Variants in PLEKHA5 observed in about 807,000 individuals in gnomAD.
The protein encoded by PLEKHA5 is pleckstrin homology domain containing A5.
PLEKHA5 carries 55 observed loss-of-function variants against 181.9 expected under a neutral mutation model. That is an observed-to-expected ratio of 0.30 (90% confidence interval 0.24 to 0.38). The LOEUF (loss-of-function observed/expected upper bound fraction) is 0.38. Among genes scored for constraint, PLEKHA5 ranks in the 10% least tolerant of loss-of-function variants. The pLI is 1.00. For synonymous variants in PLEKHA5, 535 were observed against 529.4 expected (o/e 1.01, Z -0.15); for missense variants, 1,432 against 1,549.5 (o/e 0.92, Z 1.27).
At chr12:19,320,491 G>A (rs969177080) in intron 17 of PLEKHA5, 71 bp from the exon 18 acceptor site, 3 of 694,816 alleles carry the variant, frequency 4.3e-6, no homozygotes, top group East Asian at 2.8e-5. Context: ...TAAATCCAAA[G>A]TATTAATTAA....
intron 3 of PLEKHA5, chr12:19,236,788 A>G (rs1312826192): frequency 1.3e-5 from 2 of 152,158 alleles, no homozygotes; most frequent in Non-Finnish European, 2.9e-5. Context: ...ATCACAACAG[A>G]TTCTTCCTGG....
chr12:19,359,424 G>A lies in PLEKHA5; in HGVS notation c.3361G>A (p.Asp1121Asn). Residue 1121 changes from aspartate to asparagine, a missense_variant, in exon 28 of 32, where the codon GAT (aspartate) becomes AAT (asparagine). This residue lies in a region of PLEKHA5 where 1,143 missense variants were observed against 1,168.4 expected (regional missense o/e 0.98). Transcript: ENST00000429027. ...GTCTTTTGAGCAGACTCGAAGGAGG[G>A]ATGATAAGGAACTGGACACTGCCAT... ...PFRTTQTRRR[D>N]DKELDTAIRE... The A allele has an allele frequency of 6.2e-7, 1 of 1,613,342 alleles. No homozygotes were observed. The highest frequency in any genetic ancestry group is 1.1e-5 in the South Asian group (1 of 91,054).
At chr12:19,315,684 A>G (rs1354771146) in intron 16 of PLEKHA5, among the ~76,000 whole-genome samples, 1 of 152,176 alleles carries the variant, frequency 6.6e-6, no homozygotes, top group African/African-American at 2.4e-5. Flanking sequence ...TACAATCTTT[A>G]AAAATCATGC....
chr12:19,137,413 A>T (rs576017788), intron 3 of PLEKHA5, among the ~76,000 whole-genome samples: 1 of 152,188 alleles, frequency 6.6e-6, no homozygotes, highest in African/African-American at 2.4e-5. Context: ...TGTGGGCATT[A>T]TATTTCTTTT....
rs549952879 is a variant in PLEKHA5, at chr12:19,333,385, C to A, written c.2449-3130C>A. Reference sequence around the variant, plus strand: ...ATGAGGTCAGGAGATTAAGACCATCCTGGCTAACACGATGAAACCACGTCT... The same window carrying A: ...ATGAGGTCAGGAGATTAAGACCATCATGGCTAACACGATGAAACCACGTCT... On this transcript the variant is annotated intron_variant, in intron 20 of 31. Coordinates refer to ENST00000429027, the MANE Select transcript of PLEKHA5 (RefSeq NM_001256470.2). Among the ~76,000 whole-genome samples the A allele has an allele frequency of 2.0e-5, 3 of 151,896 alleles. No individual in the cohort carries two copies. The South Asian group carries it at 6.2e-4, about 32-fold the overall frequency.
At chr12:19,322,011 AT>A in intron 18 of PLEKHA5, among the ~76,000 whole-genome samples, 1 of 152,266 alleles carries the variant, frequency 6.6e-6, no homozygotes, top group East Asian at 1.9e-4. Flanking sequence ...TTGTATTTCA[AT>A]TAGAAGTGAT....
intron 28 of PLEKHA5, 85 bp downstream of exon 28, chr12:19,359,631 GTTTC>G: frequency 7.7e-7 from 1 of 1,300,316 alleles, no homozygotes; most frequent in South Asian, 1.3e-5. Context: ...AATAAAGTGT[GTTTC>G]TTTCAGTCAC....
chr12:19,251,960 C>G (rs1374421362), intron 3 of PLEKHA5, among the ~76,000 whole-genome samples: 1 of 152,114 alleles, frequency 6.6e-6, no homozygotes, highest in African/African-American at 2.4e-5. Flanking sequence ...AGCCAGCTAC[C>G]TCCCAGGGTG....
chr12:19,259,306 G>A (rs946609289), intron 6 of PLEKHA5, among the ~76,000 whole-genome samples: 14 of 152,038 alleles, frequency 9.2e-5, no homozygotes, highest in Admixed American at 4.6e-4. Flanking sequence ...ATTTGAGCTT[G>A]CAGTGAGGTA....
chr12:19,156,156 G>T lies in PLEKHA5; in HGVS notation c.227+23706G>T, dbSNP rs377127150. ...CCGCCCTGGAGTATGTTCTTGAATT[G>T]TTGGGGGTGGTCAAAAGGTTAGGAG... On this transcript the variant is annotated intron_variant, in intron 3 of 31. Coordinates refer to ENST00000429027, the MANE Select transcript of PLEKHA5 (RefSeq NM_001256470.2). Among the ~76,000 whole-genome samples the T allele has an allele frequency of 3.6e-4, 54 of 150,670 alleles. 1 individual carries two copies. The highest frequency in any genetic ancestry group is 1.3e-3 in the African/African-American group (52 of 41,158).
intron 3 of PLEKHA5, among the ~76,000 whole-genome samples, chr12:19,232,191 G>C (rs1316211429): frequency 2.0e-5 from 3 of 152,158 alleles, no homozygotes; most frequent in African/African-American, 7.2e-5. Flanking sequence ...GTGCAAGATA[G>C]TTTATATTAA....
At chr12:19,229,124 TA>T (rs1257336549) in intron 3 of PLEKHA5, among the ~76,000 whole-genome samples, 2 of 152,210 alleles carry the variant, frequency 1.3e-5, no homozygotes, top group Non-Finnish European at 2.9e-5. Flanking sequence ...AAGTCACTCA[TA>T]GCAGAGAAAT....
chr12:19,371,708 T>C (rs1164633412), intron 31 of PLEKHA5: 2 of 152,462 alleles, frequency 1.3e-5, no homozygotes, highest in African/African-American at 2.4e-5. Flanking sequence ...ATCCACTCCT[T>C]GGTTGGTGGA....
intron 3 of PLEKHA5, among the ~76,000 whole-genome samples, chr12:19,246,685 TTAAA>T (rs1218865971): frequency 6.6e-6 from 1 of 152,068 alleles, no homozygotes; most frequent in Non-Finnish European, 1.5e-5. Flanking sequence ...ATTCTGATTT[TTAAA>T]TAACTTCTAA....
At chr12:19,141,059 G>C (rs2037122028) in intron 3 of PLEKHA5, among the ~76,000 whole-genome samples, 1 of 152,150 alleles carries the variant, frequency 6.6e-6, no homozygotes. Context: ...CTTCCAAAGT[G>C]CTGGGATTAT....
intron 3 of PLEKHA5, among the ~76,000 whole-genome samples, chr12:19,232,508 A>G (rs938024908): frequency 2.8e-4 from 42 of 152,114 alleles, no homozygotes; most frequent in Non-Finnish European, 1.0e-4. Flanking sequence ...TAGAGGGGTA[A>G]CTCGTCATTG....
intron 8 of PLEKHA5, among the ~76,000 whole-genome samples, chr12:19,269,441 G>A (rs938274931): frequency 1.8e-4 from 26 of 147,926 alleles, no homozygotes; most frequent in Non-Finnish European, 3.3e-4. Flanking sequence ...GAAATTGCTA[G>A]AAATGTGGAG....
At position 19,317,019 on chromosome 12, in the gene PLEKHA5, A is replaced by T. The variant is rs984819677; in HGVS notation, c.2118+2125A>T. Among the ~76,000 whole-genome samples the T allele has an allele frequency of 2.0e-5, 3 of 152,160 alleles. No individual in the cohort carries two copies. The South Asian group carries it at 6.2e-4, about 32-fold the overall frequency. On this transcript the variant is annotated intron_variant, in intron 16 of 31. Transcript: ENST00000429027. ...CATTTTTCTTCCTTGGAGAACACTC[A>T]AGAAATTACCTAGGCAGTAATTTTC...
intron 3 of PLEKHA5, among the ~76,000 whole-genome samples, chr12:19,159,818 G>A (rs1032493845): frequency 2.0e-5 from 3 of 152,108 alleles, no homozygotes; most frequent in Admixed American, 6.5e-5. Flanking sequence ...TTTGAAGCCC[G>A]TAGAGACAGG....
Sources: allele counts gnomAD v4.1 joint callset (sites outside exome capture counted in the v4.1 genomes callset), GRCh38; gene constraint gnomAD v4.1.1; regional missense constraint gnomAD v4.1.1; transcripts MANE v1.5; gene names NCBI Gene and HGNC (gene_info 2026-07-23, HGNC 2026-07-21).